Variants in REXO4 observed in about 807,000 individuals in gnomAD.
REXO4 encodes the protein REX4 homolog, 3'-5' exonuclease.
Under a neutral mutation model 39.9 loss-of-function variants are expected in REXO4, and 29 were observed. The ratio of observed to expected loss-of-function variants is 0.73; its 90% CI spans 0.54 to 0.99. The LOEUF (loss-of-function observed/expected upper bound fraction) is 0.99, where lower values mean the gene tolerates loss of function less well. Ranked by LOEUF, REXO4 falls within the 50% of genes least tolerant of loss-of-function variation. REXO4 has a pLI of 0.00. For synonymous variants in REXO4, 184 were observed against 206.2 expected (o/e 0.89, Z 0.92); for missense variants, 524 against 546.5 (o/e 0.96, Z 0.41).
chr9:133,414,634 G>A (rs587702313), intron 2 of REXO4, 31 bp downstream of exon 2: 10 of 1,601,400 alleles, frequency 6.2e-6, no homozygotes, highest in Admixed American at 3.3e-5. Context: ...GCTGTGCCTC[G>A]GTTCTCAGTG....
intron 4 of REXO4, among the ~76,000 whole-genome samples, chr9:133,411,664 T>C (rs187590085): frequency 1.3e-5 from 2 of 152,248 alleles, no homozygotes; most frequent in East Asian, 3.9e-4. Context: ...CAGTGGGTCA[T>C]GCCTGTAATT....
rs1210755030 is a variant in REXO4, at chr9:133,408,795, T to C, written c.1047A>G (p.Lys349=). 2.5e-6 allele frequency: 4 copies of C among 1,597,542 alleles called. No individual in the cohort carries two copies. The highest frequency in any genetic ancestry group is 3.4e-6 in the Non-Finnish European group (4 of 1,165,920). ...TTACTTGACTCTTGAAAGGTTTATATTTCTGTGTGTCCCGAATCTTCTTTT... is the reference window on the plus strand; with the variant it reads ...TTACTTGACTCTTGAAAGGTTTATACTTCTGTGTGTCCCGAATCTTCTTTT... ...HPKKKIRDTQ[K]YKPFKSQVKS... is the part of the protein sequence containing the mutation. Residue 349 remains lysine (K), a synonymous_variant, in exon 6 of 8, where the codon AAA becomes AAG. Coordinates refer to ENST00000371942, the MANE Select transcript of REXO4 (RefSeq NM_020385.4).
Position 133,407,079 on chromosome 9 carries a change from G to A in REXO4, c.1150-7C>T, listed in dbSNP as rs782188917. On this transcript the variant is annotated splice_region_variant and splice_polypyrimidine_tract_variant and intron_variant, in intron 7 of 7. Coordinates refer to ENST00000371942, the MANE Select transcript of REXO4 (RefSeq NM_020385.4). ...CTGCCTGGGCATCCTGAATCTAGAC[G>A]ACATGAAACATCCCAGCAGGTGACG... 2.4e-5 allele frequency: 38 copies of A among 1,612,314 alleles called. No individual in the cohort carries two copies. The Admixed American group carries it at 3.2e-4, about 13-fold the overall frequency.
chr9:133,417,608 C>G lies in REXO4; in HGVS notation c.225+12G>C. The stretch of plus-strand genomic sequence containing the variant: ...CTGCGCAGCGCTCCGCCCGGGCCCC[C>G]TCAAGCCTCACCTCTTGCAGCGCCT... On this transcript the variant is annotated intron_variant, in intron 1 of 7. Transcript: ENST00000371942. The G allele has an allele frequency of 6.2e-7, 1 of 1,612,664 alleles. No individual in the cohort carries two copies. Among genetic ancestry groups the G allele is most frequent in the Non-Finnish European group, 8.5e-7 (1 of 1,179,672 alleles).
At chr9:133,410,206 G>A (rs956242083) in intron 5 of REXO4, among the ~76,000 whole-genome samples, 3 of 152,210 alleles carry the variant, frequency 2.0e-5, no homozygotes, top group Admixed American at 6.5e-5. Context: ...AGTGCTTCAA[G>A]CCGGTGGGCA....
intron 5 of REXO4, among the ~76,000 whole-genome samples, chr9:133,410,544 G>A (rs1839159020): frequency 2.6e-5 from 4 of 152,320 alleles, no homozygotes; most frequent in South Asian, 4.1e-4. Context: ...GATTTTCCTC[G>A]GGACGCCAGA....
intron 2 of REXO4, among the ~76,000 whole-genome samples, chr9:133,413,981 G>T (rs1243493919): frequency 6.6e-6 from 1 of 152,248 alleles, no homozygotes; most frequent in Non-Finnish European, 1.5e-5. Flanking sequence ...GAAGCCAGCT[G>T]TAACTTATGA....
chr9:133,411,398 G>A (rs1013813781), intron 4 of REXO4, among the ~76,000 whole-genome samples: 4 of 152,206 alleles, frequency 2.6e-5, no homozygotes, highest in African/African-American at 7.2e-5. Context: ...GCCTGGCAGC[G>A]TGGTTCTGCC....
At chr9:133,407,752 T>C in intron 7 of REXO4, 55 bp downstream of exon 7, 1 of 1,452,540 alleles carries the variant, frequency 6.9e-7, no homozygotes, top group Non-Finnish European at 9.6e-7. Flanking sequence ...TCATGTCTGG[T>C]TCCAGGTGGG....
intron 1 of REXO4, among the ~76,000 whole-genome samples, chr9:133,415,404 G>T (rs1839522950): frequency 6.6e-6 from 1 of 150,380 alleles, no homozygotes; most frequent in Non-Finnish European, 1.5e-5. Flanking sequence ...CTGCTACACA[G>T]AAATCGCTTT....
intron 6 of REXO4, 124 bp downstream of exon 6, chr9:133,408,643 GT>G: frequency 1.5e-6 from 1 of 675,678 alleles, no homozygotes; most frequent in East Asian, 2.7e-5. Context: ...ATTCCTTCTA[GT>G]TTTAAAGGTT....
At position 133,417,892 on chromosome 9, in the gene REXO4, C is replaced by G. The variant is rs587732642; in HGVS notation, c.-48G>C. 6.4e-7 allele frequency: 1 copy of G among 1,554,954 alleles called. No individual in the cohort carries two copies. The highest frequency in any genetic ancestry group is 1.9e-5 in the Admixed American group (1 of 53,208). ...GCCGGCGGCCACCCGAGACCCCGGC[C>G]TCCCCGGGCCCGGCGCCCTGGCAGC... is the stretch of plus-strand genomic sequence containing the variant. On this transcript the variant is annotated 5_prime_UTR_variant, in exon 1 of 8. Coordinates refer to ENST00000371942, the MANE Select transcript of REXO4 (RefSeq NM_020385.4).
In REXO4 at chr9:133,417,973, G is replaced by A. The variant is rs4463497; in HGVS notation, c.-129C>T. 4.7e-6 allele frequency: 4 copies of A among 846,872 alleles called. No homozygotes were observed. The highest frequency in any genetic ancestry group is 7.2e-6 in the Non-Finnish European group (4 of 559,408). The allele number at this position is 846,872 out of a possible 1,614,324, so 52.5% of individuals were successfully genotyped here. A position where few individuals can be genotyped will look rare whatever the true frequency, so the allele number is the denominator to read the frequency against. On this transcript the variant is annotated 5_prime_UTR_variant, in exon 1 of 8. Coordinates refer to ENST00000371942, the MANE Select transcript of REXO4 (RefSeq NM_020385.4). Reference sequence around the variant, plus strand: ...CACCCACCGCAGGGACCCCGTCCAGGAAAAGACTCCGGAAGAGACCCCGCA... The same window carrying A: ...CACCCACCGCAGGGACCCCGTCCAGAAAAAGACTCCGGAAGAGACCCCGCA...
intron 2 of REXO4, among the ~76,000 whole-genome samples, chr9:133,413,208 CTT>C (rs1383208332): frequency 2.0e-5 from 3 of 152,088 alleles, no homozygotes; most frequent in Non-Finnish European, 2.9e-5. Context: ...AAGTGATTCT[CTT>C]GTCTCAGCCT....
Position 133,408,777 on chromosome 9 carries a change from A to ACTCTTG in REXO4, c.1059_1064dup (p.Lys354_Ser355dup). ...CACTCATTCTAAGTACCTTTACTTG[A>ACTCTTG]CTCTTGAAAGGTTTATATTTCTGTG... On this transcript the variant is annotated inframe_insertion, in exon 6 of 8. Transcript: ENST00000371942. 6.3e-7 allele frequency: 1 copy of ACTCTTG among 1,594,970 alleles called. No individual in the cohort carries two copies. The highest frequency in any genetic ancestry group is 8.6e-7 in the Non-Finnish European group (1 of 1,164,330).
intron 5 of REXO4, among the ~76,000 whole-genome samples, chr9:133,409,470 T>C (rs1839099600): frequency 6.6e-6 from 1 of 152,334 alleles, no homozygotes; most frequent in African/African-American, 2.4e-5. Flanking sequence ...CTTATTCCTA[T>C]ATTATACTTG....
At position 133,417,521 on chromosome 9, in the gene REXO4, G is replaced by T. The variant is rs1286584372; in HGVS notation, c.225+99C>A. ...GTTTACAAGATTTCGATTCAAATCT[G>T]CCTTTACAGGTCTTTTGGGGCTACC... On this transcript the variant is annotated intron_variant, in intron 1 of 7. Transcript: ENST00000371942. The T allele has an allele frequency of 4.0e-6, 5 of 1,244,060 alleles. No individual in the cohort carries two copies. In the African/African-American group the frequency reaches 6.0e-5, roughly 15 times the overall value. 77.1% of individuals were successfully genotyped at this position (1,244,060 alleles called of 1,614,324 possible).
Position 133,412,441 on chromosome 9 carries a change from C to G in REXO4, c.768G>C (p.Lys256Asn). Residue 256 changes from lysine (K) to asparagine (N), a missense_variant, in exon 4 of 8, where the codon AAG (lysine) becomes AAC (asparagine). By Grantham distance (94) the Lys-to-Asn change is moderately conservative. Transcript: ENST00000371942. ...CACGGGCGGCCATGCTCTCCTCCCC[C>G]TTAGGGCCCACGCCCACCATCTCAC... ...LDCEMVGVGPKGEESMAARVS... is the reference protein window; with the variant it reads ...LDCEMVGVGPNGEESMAARVS... The G allele has an allele frequency of 6.2e-7, 1 of 1,614,158 alleles. No homozygotes were observed.
chr9:133,410,926 C>T (rs782207359), intron 5 of REXO4, 59 bp downstream of exon 5: 16 of 1,263,806 alleles, frequency 1.3e-5, no homozygotes, highest in South Asian at 2.4e-5. Flanking sequence ...ACAGCAAGGG[C>T]GTGAGTGTAA....
Sources: allele counts gnomAD v4.1 joint callset (sites outside exome capture counted in the v4.1 genomes callset), GRCh38; gene constraint gnomAD v4.1.1; transcripts MANE v1.5; gene names NCBI Gene and HGNC (gene_info 2026-07-23, HGNC 2026-07-21).